Variants in SNTG1 observed in about 807,000 individuals in gnomAD.
The protein encoded by SNTG1 is syntrophin gamma 1.
Under a neutral mutation model 74.7 loss-of-function variants are expected in SNTG1, and 39 were observed. The ratio of observed to expected loss-of-function variants is 0.52; its 90% CI spans 0.40 to 0.68. The LOEUF is 0.68. Ranked by LOEUF, SNTG1 falls within the 30% of genes least tolerant of loss-of-function variation. The probability of loss-of-function intolerance (pLI) is 0.00; values close to 1 mark genes in which losing one functional copy is unlikely to be tolerated. For synonymous variants in SNTG1, 254 were observed against 217.1 expected, an observed-to-expected ratio of 1.17 and a Z score of -1.49; for missense variants, 685 against 609.5, an observed-to-expected ratio of 1.12 and a Z score of -1.30.
intron 2 of SNTG1, among the ~76,000 whole-genome samples, chr8:50,185,065 T>C (rs1299448372): frequency 2.0e-5 from 3 of 152,188 alleles, no homozygotes; most frequent in Non-Finnish European, 2.9e-5. Context: ...TTTTATAATA[T>C]GCTTAGAAAA....
rs560336486 is a variant in SNTG1, at chr8:49,961,628, A to G, written c.-103+49397A>G. On this transcript the variant is annotated intron_variant, in intron 1 of 18. Transcript: ENST00000642720. ...TAATATTTTAGTGGAATTCCTTAGA[A>G]TAAGACTTTCTACTATACATTATTG... Among the ~76,000 whole-genome samples the G allele has an allele frequency of 1.4e-4, 21 of 152,342 alleles. No homozygotes were observed. The South Asian group carries it at 4.3e-3, about 32-fold the overall frequency.
At chr8:50,763,574 A>G (rs565912376) in intron 18 of SNTG1, among the ~76,000 whole-genome samples, 1 of 150,328 alleles carries the variant, frequency 6.7e-6, no homozygotes, top group South Asian at 2.1e-4. Flanking sequence ...TTTAATTCCT[A>G]GCTTTGAAAT....
At chr8:50,468,516 A>G (rs1325567643) in intron 8 of SNTG1, among the ~76,000 whole-genome samples, 1 of 151,948 alleles carries the variant, frequency 6.6e-6, no homozygotes, top group Non-Finnish European at 1.5e-5. Context: ...TTTACCTTAA[A>G]CCTATAGGAG....
intron 9 of SNTG1, among the ~76,000 whole-genome samples, chr8:50,522,500 G>A (rs924811315): frequency 6.6e-6 from 1 of 151,866 alleles, no homozygotes; most frequent in Non-Finnish European, 1.5e-5. Context: ...AATAAAAATG[G>A]AATTCAACTG....
chr8:50,140,055 G>A (rs572467040), intron 1 of SNTG1, among the ~76,000 whole-genome samples: 5 of 152,308 alleles, frequency 3.3e-5, no homozygotes, highest in East Asian at 1.9e-4. Flanking sequence ...AAATGGCCGC[G>A]AAACTTGCAA....
rs565613906 is a variant in SNTG1 at position 50,576,221 on chromosome 8, A to G, written c.811-14658A>G. ...ATGAATTTCCAGTTTTCTTAGAATC[A>G]TTAGTTAATACGACTGTCTTTTTTC... On this transcript the variant is annotated intron_variant, in intron 12 of 18. Coordinates refer to ENST00000642720, the MANE Select transcript of SNTG1 (RefSeq NM_018967.5). Among the ~76,000 whole-genome samples the G allele has an allele frequency of 2.4e-3, 372 of 152,296 alleles. 2 individuals are homozygous for G. Among genetic ancestry groups the G allele is most frequent in the Middle Eastern group, 0.02 (6 of 294 alleles).
chr8:50,232,591 C>T (rs991893819), intron 2 of SNTG1, among the ~76,000 whole-genome samples: 3 of 151,136 alleles, frequency 2.0e-5, no homozygotes, highest in South Asian at 4.2e-4. Flanking sequence ...TTAAACAGTG[C>T]GAGATGACTT....
intron 1 of SNTG1, among the ~76,000 whole-genome samples, chr8:50,112,015 T>C (rs2080612569): frequency 6.6e-6 from 1 of 152,138 alleles, no homozygotes; most frequent in East Asian, 1.9e-4. Flanking sequence ...AAGAAAATTA[T>C]ATTTTATCAA....
chr8:50,211,040 C>T (rs975826492), intron 2 of SNTG1, among the ~76,000 whole-genome samples: 1 of 152,050 alleles, frequency 6.6e-6, no homozygotes, highest in African/African-American at 2.4e-5. Context: ...ATTTTAGAAT[C>T]CATGTTGTTA....
intron 1 of SNTG1, among the ~76,000 whole-genome samples, chr8:50,070,147 T>A (rs1273260905): frequency 6.6e-6 from 1 of 152,168 alleles, no homozygotes; most frequent in African/African-American, 2.4e-5. Flanking sequence ...TGCAAATCAA[T>A]CTTTTTATAA....
chr8:50,152,605 G>A (rs1192985635), intron 1 of SNTG1, among the ~76,000 whole-genome samples: 1 of 152,130 alleles, frequency 6.6e-6, no homozygotes, highest in Non-Finnish European at 1.5e-5. Context: ...AGGCCTGGTG[G>A]TGAGAAAATC....
At chr8:50,253,420 T>A (rs12677964) in intron 2 of SNTG1, among the ~76,000 whole-genome samples, 85,793 of 138,244 alleles carry the variant, frequency 0.62, 27,952 homozygotes, top group East Asian at 0.85. Context: ...TAAAACTCCG[T>A]CTTAAATAAA....
intron 2 of SNTG1, among the ~76,000 whole-genome samples, chr8:50,207,191 G>C (rs2084286660): frequency 6.6e-6 from 1 of 152,090 alleles, no homozygotes; most frequent in Non-Finnish European, 1.5e-5. Context: ...GAATCCCTCT[G>C]GTCCTGGACT....
At chr8:50,789,230 T>C (rs1015478449) in intron 18 of SNTG1, among the ~76,000 whole-genome samples, 6 of 152,008 alleles carry the variant, frequency 3.9e-5, no homozygotes, top group Non-Finnish European at 7.4e-5. Flanking sequence ...GGCCTCTGTG[T>C]TGCTAAATTC....
intron 2 of SNTG1, among the ~76,000 whole-genome samples, chr8:50,192,042 T>A (rs932332992): frequency 6.6e-6 from 1 of 152,150 alleles, no homozygotes; most frequent in Admixed American, 6.6e-5. Context: ...CTGGACTTCA[T>A]GGAGTCAGAG....
In SNTG1 at chr8:50,660,426, G is replaced by GAAAGAAAGAAAGAAAGAAAGA. The variant is rs373288755; in HGVS notation, c.1038+1765_1038+1766insAGAAAGAAAGAAAGAAAGAAA. On this transcript the variant is annotated intron_variant, in intron 15 of 18. Coordinates refer to ENST00000642720, the MANE Select transcript of SNTG1 (RefSeq NM_018967.5). ...GAAAGAAAGAAAAGAAAGAAAGAAA[G>GAAAGAAAGAAAGAAAGAAAGA]AAGAAAGAAAGAAAGAGAAAAAAGA... Among the ~76,000 whole-genome samples the GAAAGAAAGAAAGAAAGAAAGA allele has an allele frequency of 9.6e-4, 70 of 72,842 alleles. 2 individuals are homozygous for GAAAGAAAGAAAGAAAGAAAGA. Among genetic ancestry groups the GAAAGAAAGAAAGAAAGAAAGA allele is most frequent in the African/African-American group, 2.3e-3 (66 of 29,100 alleles). 47.8% of individuals were successfully genotyped at this position (72,842 alleles called of 152,430 possible).
At chr8:50,465,676 A>C (rs1702297722) in intron 8 of SNTG1, among the ~76,000 whole-genome samples, 1 of 152,204 alleles carries the variant, frequency 6.6e-6, no homozygotes, top group South Asian at 2.1e-4. Context: ...CCTTTAACAG[A>C]ATGCCAAGTA....
chr8:50,319,597 G>C (rs13269055), intron 2 of SNTG1, among the ~76,000 whole-genome samples: 71,834 of 151,850 alleles, frequency 0.47, 19,396 homozygotes, highest in East Asian at 0.83. Flanking sequence ...AATACTTCCA[G>C]TACTACGTTG....
chr8:50,214,518 A>G (rs181253105), intron 2 of SNTG1, among the ~76,000 whole-genome samples: 2 of 152,280 alleles, frequency 1.3e-5, no homozygotes, highest in East Asian at 3.9e-4. Flanking sequence ...GGACTGGATG[A>G]TACAACAGTT....
Sources: gnomAD v4.1 joint callset for allele counts (sites outside exome capture counted in the v4.1 genomes callset) on GRCh38, gnomAD v4.1.1 for gene constraint, MANE v1.5 for transcripts, NCBI Gene and HGNC (gene_info 2026-07-23, HGNC 2026-07-21) for gene names.